SLCO1A2: variants seen among roughly 807,000 people sequenced by gnomAD.
SLCO1A2 encodes OATP-1.
A neutral mutation model predicts 69.0 loss-of-function variants in SLCO1A2; 67 were observed. The ratio of observed to expected loss-of-function variants is 0.97; its 90% CI spans 0.80 to 1.19. The LOEUF (loss-of-function observed/expected upper bound fraction) is 1.19, where lower values mean the gene tolerates loss of function less well. SLCO1A2 is among the 50% of genes most tolerant of loss of function. The probability of loss-of-function intolerance (pLI) is 0.00; values close to 1 mark genes in which losing one functional copy is unlikely to be tolerated. For synonymous variants in SLCO1A2, 260 were observed against 265.9 expected, an observed-to-expected ratio of 0.98 and a Z score of 0.22; for missense variants, 787 against 793.7, an observed-to-expected ratio of 0.99 and a Z score of 0.10.
chr12:21,402,727 A>G (rs1185734609), intron 1 of SLCO1A2, among the ~76,000 whole-genome samples: 1 of 152,124 alleles, frequency 6.6e-6, no homozygotes, highest in Non-Finnish European at 1.5e-5. Flanking sequence ...CCACATATGT[A>G]GGTAATGATG....
chr12:21,266,163 A>G lies in SLCO1A2; in HGVS notation c.*3385T>C, dbSNP rs147192690. ...TATCTGATCTAACAGCTCTGGTTACATAACATTCTGGTTACATAACATTTC... is the reference window on the plus strand; with the variant it reads ...TATCTGATCTAACAGCTCTGGTTACGTAACATTCTGGTTACATAACATTTC... On this transcript the variant is annotated 3_prime_UTR_variant, in exon 15 of 15. Coordinates refer to ENST00000683939, the MANE Select transcript of SLCO1A2 (RefSeq NM_001386879.1). 2 of 152,282 alleles carry G rather than the reference A, an allele frequency of 1.3e-5. No individual in the cohort carries two copies. Among genetic ancestry groups the G allele is most frequent in the African/African-American group, 2.4e-5 (1 of 41,570 alleles). The allele number at this position is 152,282 out of a possible 1,614,324, so 9.4% of individuals were successfully genotyped here.
At chr12:21,277,330 A>C (rs1399430790) in intron 12 of SLCO1A2, among the ~76,000 whole-genome samples, 1 of 152,060 alleles carries the variant, frequency 6.6e-6, no homozygotes, top group Non-Finnish European at 1.5e-5. Context: ...AGAAGGACTC[A>C]GTACTGGCAG....
In SLCO1A2 at chr12:21,306,994, TAAAC is replaced by T. The variant is rs1949498006; in HGVS notation, c.336-10_336-7del. 1 of 1,579,726 alleles carries T rather than the reference TAAAC, an allele frequency of 6.3e-7. No individual in the cohort carries two copies. The highest frequency in any genetic ancestry group is 1.3e-5 in the African/African-American group (1 of 74,314). ...CTGTAGATTCATATTCATATCTGTA[TAAAC>T]ACAGGGAAAATGAGTTTATTTTAAG... On this transcript the variant is annotated splice_polypyrimidine_tract_variant and splice_region_variant and intron_variant, in intron 4 of 14. Coordinates refer to ENST00000683939, the MANE Select transcript of SLCO1A2 (RefSeq NM_001386879.1).
chr12:21,386,109 C>T (rs953391785), intron 1 of SLCO1A2, among the ~76,000 whole-genome samples: 4 of 151,978 alleles, frequency 2.6e-5, no homozygotes, highest in African/African-American at 9.7e-5. Flanking sequence ...TGCTGTGATG[C>T]CAAAGAGCAA....
chr12:21,319,057 T>A, intron 2 of SLCO1A2, 134 bp from the exon 3 acceptor site: 1 of 724,602 alleles, frequency 1.4e-6, no homozygotes, highest in Non-Finnish European at 2.2e-6. Context: ...CAAGAAACTG[T>A]AAAGTGTAGT....
At chr12:21,369,347 C>T (rs551050183) in intron 2 of SLCO1A2, among the ~76,000 whole-genome samples, 6 of 152,252 alleles carry the variant, frequency 3.9e-5, no homozygotes, top group African/African-American at 1.4e-4. Flanking sequence ...GGTCTAAGGC[C>T]TCATGATCTC....
chr12:21,362,183 T>C (rs1026632552), intron 2 of SLCO1A2, among the ~76,000 whole-genome samples: 4 of 152,134 alleles, frequency 2.6e-5, no homozygotes, highest in African/African-American at 9.7e-5. Context: ...CCCATTAGAC[T>C]AACAGTGAGC....
chr12:21,292,366 A>C, intron 11 of SLCO1A2, 30 bp from the exon 12 acceptor site: 1 of 1,570,112 alleles, frequency 6.4e-7, no homozygotes, highest in Non-Finnish European at 8.7e-7. Context: ...TATACTAAGA[A>C]GTAAAAATCT....
intron 1 of SLCO1A2, among the ~76,000 whole-genome samples, chr12:21,406,113 G>T (rs1941819757): frequency 6.6e-6 from 1 of 152,138 alleles, no homozygotes; most frequent in East Asian, 1.9e-4. Flanking sequence ...AGATTAAGAG[G>T]GAATCCTTTT....
intron 2 of SLCO1A2, among the ~76,000 whole-genome samples, chr12:21,326,501 A>G (rs1197323572): frequency 1.3e-5 from 2 of 152,142 alleles, no homozygotes; most frequent in Non-Finnish European, 2.9e-5. Flanking sequence ...AAAGTTTGAA[A>G]CTTCCTAGAG....
chr12:21,347,669 A>AAAGAAAGGAAGGAAGGAAGG (rs1555122066), intron 2 of SLCO1A2, among the ~76,000 whole-genome samples: 46 of 113,490 alleles, frequency 4.1e-4, no homozygotes, highest in African/African-American at 1.4e-3. Flanking sequence ...AGAAAGAAAG[A>AAAGAAAGGAAGGAAGGAAGG]AAGGAAGGAA....
At chr12:21,378,404 C>G in intron 1 of SLCO1A2, 8 of 1,613,812 alleles carry the variant, frequency 5.0e-6, no homozygotes, top group Non-Finnish European at 5.9e-6. Flanking sequence ...AAGAGAGAGC[C>G]ACTGAATTAC....
rs1255675697 is a variant in SLCO1A2 at position 21,269,697 on chromosome 12, G to C, written c.1864C>G (p.Leu622Val). The C allele has an allele frequency of 6.2e-7, 1 of 1,612,594 alleles. No homozygotes were observed. Among genetic ancestry groups the C allele is most frequent in the East Asian group, 2.2e-5 (1 of 44,796 alleles). ...CCAGGTAGATGACACTTCCTCAAAA[G>C]AATTAAGATGATTAAGGCTGGAACA... ...SFVPALIILI[L>V]LRKCHLPGEN... The change falls in exon 15 of 15, where the codon CTT becomes GTT. Residue 622 changes from leucine to valine, a missense_variant. Physicochemically the swap from Leu to Val is conservative, Grantham distance 32. Coordinates refer to ENST00000683939, the MANE Select transcript of SLCO1A2 (RefSeq NM_001386879.1).
At chr12:21,403,353 T>C (rs527391389) in intron 1 of SLCO1A2, 1 of 152,176 alleles carries the variant, frequency 6.6e-6, no homozygotes, top group Non-Finnish European at 1.5e-5. Flanking sequence ...AATCTCCTTA[T>C]ATTTTTCCAA....
chr12:21,270,949 G>C (rs1942714300), intron 14 of SLCO1A2, among the ~76,000 whole-genome samples: 1 of 151,354 alleles, frequency 6.6e-6, no homozygotes, highest in Non-Finnish European at 1.5e-5. Flanking sequence ...ATGGTATATA[G>C]TCTATTTATT....
chr12:21,311,677 C>T (rs1441402652), intron 4 of SLCO1A2: 1 of 151,858 alleles, frequency 6.6e-6, no homozygotes, highest in Non-Finnish European at 1.5e-5. Flanking sequence ...AAGGCTGTTT[C>T]CACTTCGGGA....
At chr12:21,337,890 A>C (rs1952943517), upstream of SLCO1A2, among the ~76,000 whole-genome samples, 3 of 151,990 alleles carry the variant, frequency 2.0e-5, no homozygotes, top group African/African-American at 7.2e-5. Flanking sequence ...GCAGAAACTT[A>C]ACTGAGCCAT....
chr12:21,313,018 T>A (rs144893051), intron 4 of SLCO1A2, among the ~76,000 whole-genome samples: 23 of 152,066 alleles, frequency 1.5e-4, no homozygotes, highest in African/African-American at 5.5e-4. Flanking sequence ...CCTGTGGAGG[T>A]CAAAGCTACA....
At chr12:21,415,077 C>T (rs1941968587) in intron 1 of SLCO1A2, among the ~76,000 whole-genome samples, 1 of 151,928 alleles carries the variant, frequency 6.6e-6, no homozygotes, top group South Asian at 2.1e-4. Flanking sequence ...ACTTATCAAA[C>T]CGTATCTTTT....
Sources: gnomAD v4.1 joint callset for allele counts (sites outside exome capture counted in the v4.1 genomes callset) on GRCh38, gnomAD v4.1.1 for gene constraint, MANE v1.5 for transcripts, NCBI Gene and HGNC (gene_info 2026-07-23, HGNC 2026-07-21) for gene names.